The following BRF1 variants were observed in gnomAD, a reference collection of about 807,000 sequenced individuals.
BRF1 encodes the protein transcription factor IIIB 90 kDa subunit.
Under a neutral mutation model 81.7 loss-of-function variants are expected in BRF1, and 59 were observed. The observed-to-expected ratio is 0.72, with a 90% CI of 0.59 to 0.90. BRF1 has a LOEUF of 0.90. Among genes scored for constraint, BRF1 ranks in the 40% least tolerant of loss-of-function variants. BRF1 has a pLI of 0.00. For missense variants in BRF1, 1,050 were observed against 936.3 expected (o/e 1.12, Z -1.58); for synonymous variants, 491 against 395.6 (o/e 1.24, Z -2.86).
chr14:105,256,293 T>C lies in BRF1; in HGVS notation c.471+225A>G, dbSNP rs201726772. On this transcript the variant is annotated intron_variant, in intron 4 of 17. Transcript: ENST00000547530. ...CCCAACCGTGCCCAGCATTGGCAGG[T>C]GCCCTCCTGCCATGGAGACCCACAC... 3 of 1,544,930 alleles carry C rather than the reference T, an allele frequency of 1.9e-6. No individual in the cohort carries two copies. The East Asian group carries it at 7.3e-5, about 38-fold the overall frequency.
At chr14:105,277,677 G>T (rs1268975189) in intron 2 of BRF1, among the ~76,000 whole-genome samples, 1 of 152,228 alleles carries the variant, frequency 6.6e-6, no homozygotes, top group Non-Finnish European at 1.5e-5. Context: ...TGCCTTTCTG[G>T]TCTATGGTGT....
intron 2 of BRF1, among the ~76,000 whole-genome samples, chr14:105,275,483 C>A (rs1407161619): frequency 1.3e-5 from 2 of 152,368 alleles, no homozygotes; most frequent in East Asian, 1.9e-4. Flanking sequence ...ACCAGCCAGA[C>A]ACACCAGCAC....
Position 105,241,021 on chromosome 14 carries a change from C to G in BRF1, c.694+244G>C, listed in dbSNP as rs911958812. Reference sequence around the variant, plus strand: ...ACCCCAGAAGTAGGCAACCTGGGGTCAAGGCCGCTCTGCCCTGAGAGTTCT... The same window carrying G: ...ACCCCAGAAGTAGGCAACCTGGGGTGAAGGCCGCTCTGCCCTGAGAGTTCT... On this transcript the variant is annotated intron_variant, in intron 6 of 17. Transcript: ENST00000547530. 5.9e-5 allele frequency among the ~76,000 whole-genome samples: 9 copies of G among 152,216 alleles called. No homozygotes were observed. The East Asian group carries it at 7.7e-4, about 13-fold the overall frequency.
intron 2 of BRF1, among the ~76,000 whole-genome samples, chr14:105,280,616 G>T (rs890120748): frequency 9.2e-5 from 14 of 151,998 alleles, no homozygotes; most frequent in African/African-American, 2.9e-4. Flanking sequence ...GCCCGCGTGT[G>T]CAGGTGGAGG....
intron 1 of BRF1, among the ~76,000 whole-genome samples, chr14:105,288,117 C>A (rs1454583456): frequency 1.3e-5 from 2 of 152,240 alleles, no homozygotes; most frequent in Non-Finnish European, 2.9e-5. Context: ...TACTAGTTTT[C>A]TGTGGCTGCC....
chr14:105,312,504 C>T (rs2058374049), intron 1 of BRF1, among the ~76,000 whole-genome samples: 1 of 152,168 alleles, frequency 6.6e-6, no homozygotes, highest in Non-Finnish European at 1.5e-5. Flanking sequence ...AAACCAAGTT[C>T]CTGCTTTAAA....
intron 15 of BRF1, among the ~76,000 whole-genome samples, chr14:105,214,966 T>A (rs1890845982): frequency 6.6e-6 from 1 of 152,096 alleles, no homozygotes; most frequent in Non-Finnish European, 1.5e-5. Context: ...AGACCCCCTC[T>A]CCCCTGCCCC....
Position 105,226,174 on chromosome 14 carries a change from G to A in BRF1, c.956-13C>T. 1 of 1,613,952 alleles carries A rather than the reference G, an allele frequency of 6.2e-7. No homozygotes were observed. The highest frequency in any genetic ancestry group is 8.5e-7 in the Non-Finnish European group (1 of 1,179,978). The stretch of plus-strand genomic sequence containing the variant: ...CTGGATATTTCACCTGAAGTCATAA[G>A]TTAAAAGCAAAAAGTCAGCATAAAA... On this transcript the variant is annotated splice_polypyrimidine_tract_variant and intron_variant, in intron 9 of 17. Coordinates refer to ENST00000547530, the MANE Select transcript of BRF1 (RefSeq NM_001519.4).
At chr14:105,219,307 C>A (rs768267636) in intron 12 of BRF1, 75 bp from the exon 13 acceptor site, 1 of 1,588,260 alleles carries the variant, frequency 6.3e-7, no homozygotes, top group East Asian at 2.3e-5. Flanking sequence ...CGCTGGCCAG[C>A]GGGAAGTATT....
chr14:105,278,797 C>T (rs587615938), intron 2 of BRF1, among the ~76,000 whole-genome samples: 1 of 152,108 alleles, frequency 6.6e-6, no homozygotes, highest in South Asian at 2.1e-4. Context: ...GTAATCCCAA[C>T]ACTTTGGGAG....
intron 5 of BRF1, chr14:105,248,296 T>C: frequency 1.0e-6 from 1 of 985,426 alleles, no homozygotes. Context: ...AACAAGCAGG[T>C]CCACCTGCGT....
At position 105,217,715 on chromosome 14, in the gene BRF1, A is replaced by G; in HGVS notation, c.1601T>C (p.Ile534Thr). The change falls in exon 15 of 18, where the codon ATC becomes ACC. Residue 534 changes from isoleucine to threonine, a missense_variant. Physicochemically the swap from Ile to Thr is moderately conservative, Grantham distance 89. Around this residue, in one of 2 missense-constraint regions of BRF1, gnomAD observed 1,043 missense variants for 915.4 expected, o/e 1.14. Transcript: ENST00000547530. Reference sequence around the variant, plus strand: ...CACGCTATAATTGATCTTGCTGGAGATCTTCTTCTGCTCCAGCATCTTCTC... The same window carrying G: ...CACGCTATAATTGATCTTGCTGGAGGTCTTCTTCTGCTCCAGCATCTTCTC... ...AIEKMLEQKK[I>T]SSKINYSVLR... The G allele has an allele frequency of 6.2e-7, 1 of 1,613,204 alleles. No homozygotes were observed. The highest frequency in any genetic ancestry group is 1.3e-5 in the African/African-American group (1 of 74,980).
Position 105,249,629 on chromosome 14 carries a change from G to T in BRF1, c.544+2878C>A, listed in dbSNP as rs768717545. The T allele has an allele frequency of 2.5e-6, 4 of 1,599,434 alleles. No individual in the cohort carries two copies. The East Asian group carries it at 9.0e-5, about 36-fold the overall frequency. On this transcript the variant is annotated intron_variant, in intron 5 of 17. Transcript: ENST00000547530. ...GGAGCCAGCCCCTGACGCGGGCCCT[G>T]CCTCGCCTAGGTACATGTACAGTGA...
Position 105,271,620 on chromosome 14 carries a change from T to C in BRF1, c.439+1101A>G, listed in dbSNP as rs1197233347. The stretch of plus-strand genomic sequence containing the variant: ...GAGTCCCCAGAGAGCAGGGAAAAGA[T>C]GCAGGTGCACAGCAGGTGTGGACAG... On this transcript the variant is annotated intron_variant, in intron 3 of 17. Coordinates refer to ENST00000547530, the MANE Select transcript of BRF1 (RefSeq NM_001519.4). This position sits in a 1 kb window ranked among gnomAD's most constrained non-coding sequence, Gnocchi z 5.5. 6.6e-6 allele frequency among the ~76,000 whole-genome samples: 1 copy of C among 152,182 alleles called. No homozygotes were observed. The highest frequency in any genetic ancestry group is 1.9e-4 in the East Asian group (1 of 5,200).
upstream of BRF1, among the ~76,000 whole-genome samples, chr14:105,302,900 G>A (rs2058082364): frequency 6.6e-6 from 1 of 151,852 alleles, no homozygotes; most frequent in Non-Finnish European, 1.5e-5. Flanking sequence ...CAAAGTGCTG[G>A]GATTACAGGC....
chr14:105,229,104 G>C (rs1390144000), intron 6 of BRF1, among the ~76,000 whole-genome samples, 191 bp from the exon 7 acceptor site: 4 of 152,202 alleles, frequency 2.6e-5, no homozygotes, highest in Non-Finnish European at 4.4e-5. Flanking sequence ...TCTTATTGTG[G>C]GTGGCGGCTG....
rs966335182 is a variant in BRF1 at position 105,284,412 on chromosome 14, T to C, written c.265+1884A>G. 1.3e-5 allele frequency among the ~76,000 whole-genome samples: 2 copies of C among 152,112 alleles called. No homozygotes were observed. The highest frequency in any genetic ancestry group is 6.6e-5 in the Admixed American group (1 of 15,266). ...ACCCCTGCCAGCCTAGGTGTGTCGGTGCTGGCCACCCGTCGGCAGCAGCAG... is the reference window on the plus strand; with the variant it reads ...ACCCCTGCCAGCCTAGGTGTGTCGGCGCTGGCCACCCGTCGGCAGCAGCAG... On this transcript the variant is annotated intron_variant, in intron 2 of 17. Transcript: ENST00000547530. This position sits in a 1 kb window ranked among gnomAD's most constrained non-coding sequence, Gnocchi z 4.0.
At position 105,226,014 on chromosome 14, in the gene BRF1, T is replaced by C. The variant is rs117516857; in HGVS notation, c.1048+55A>G. On this transcript the variant is annotated intron_variant, in intron 10 of 17. Coordinates refer to ENST00000547530, the MANE Select transcript of BRF1 (RefSeq NM_001519.4). Reference sequence around the variant, plus strand: ...TTTTTCTGATCCTGAAGAGATCTGCTGAGACTCTAGCACATTTTAAAGGTC... The same window carrying C: ...TTTTTCTGATCCTGAAGAGATCTGCCGAGACTCTAGCACATTTTAAAGGTC... 1.6e-3 allele frequency: 2,464 copies of C among 1,495,274 alleles called. 78 individuals carry two copies. The East Asian group carries it at 0.05, about 30-fold the overall frequency. The allele number at this position is 1,495,274 out of a possible 1,614,324, so 92.6% of individuals were successfully genotyped here.
At chr14:105,288,725 C>T (rs1367594786) in intron 1 of BRF1, among the ~76,000 whole-genome samples, 1 of 150,444 alleles carries the variant, frequency 6.6e-6, no homozygotes, top group Non-Finnish European at 1.5e-5. Flanking sequence ...GCTCTGCCTC[C>T]TGGGTTCATG....
Sources: gnomAD v4.1 joint callset for allele counts (sites outside exome capture counted in the v4.1 genomes callset) on GRCh38, gnomAD v4.1.1 for gene constraint, gnomAD v4.1.1 regional missense constraint, Gnocchi (gnomAD v3.1) non-coding constraint, MANE v1.5 for transcripts, NCBI Gene and HGNC (gene_info 2026-07-23, HGNC 2026-07-21) for gene names.